LMO7: variants seen among roughly 807,000 people sequenced by gnomAD.
LMO7 encodes LIM domain only protein 7.
Under a neutral mutation model 206.5 loss-of-function variants are expected in LMO7, and 120 were observed. The ratio of observed to expected loss-of-function variants is 0.58; its 90% CI spans 0.50 to 0.68. The LOEUF (loss-of-function observed/expected upper bound fraction) is 0.68, where lower values mean the gene tolerates loss of function less well. Among genes scored for constraint, LMO7 ranks in the 30% least tolerant of loss-of-function variants. LMO7 has a pLI of 0.00. For missense variants in LMO7, 1,959 were observed against 1,957.9 expected (o/e 1.00, Z -0.01); for synonymous variants, 706 against 681.5 (o/e 1.04, Z -0.56).
chr13:75,691,279 A>T (rs1435467421), intron 1 of LMO7, among the ~76,000 whole-genome samples: 1 of 152,248 alleles, frequency 6.6e-6, no homozygotes, highest in Admixed American at 6.5e-5. Flanking sequence ...TTGCAGTATT[A>T]TTCATGCCAT....
intron 11 of LMO7, among the ~76,000 whole-genome samples, chr13:75,812,425 G>T (rs2056503011): frequency 6.6e-6 from 1 of 151,070 alleles, no homozygotes; most frequent in Admixed American, 6.6e-5. Context: ...ATCTCCCTCT[G>T]AAAGTTGGGG....
At chr13:75,687,575 T>C (rs2041119990) in intron 1 of LMO7, among the ~76,000 whole-genome samples, 1 of 152,156 alleles carries the variant, frequency 6.6e-6, no homozygotes, top group South Asian at 2.1e-4. Flanking sequence ...TAGCATTGAA[T>C]GTGTACCTGT....
At chr13:75,700,654 A>T (rs1195299835) in intron 1 of LMO7, among the ~76,000 whole-genome samples, 2 of 152,222 alleles carry the variant, frequency 1.3e-5, no homozygotes, top group Non-Finnish European at 2.9e-5. Flanking sequence ...TAGGTCAACC[A>T]TGGGTGACTT....
Position 75,626,576 on chromosome 13 carries a change from A to ATATTTTT in LMO7, c.225+3257_225+3258insATTTTTT, listed in dbSNP as rs1566249065. Among the ~76,000 whole-genome samples, 13 of 64,416 alleles carry ATATTTTT rather than the reference A, an allele frequency of 2.0e-4. 1 individual carries two copies. Among genetic ancestry groups the ATATTTTT allele is most frequent in the Non-Finnish European group, 3.5e-4 (10 of 28,696 alleles). The allele number at this position is 64,416 out of a possible 152,430, so 42.3% of individuals were successfully genotyped here. Reference sequence around the variant, plus strand: ...TATTGTCTACCCTCTTAACATATATATTATATATATATATATAAATTTTTT... The same window carrying ATATTTTT: ...TATTGTCTACCCTCTTAACATATATATATTTTTTTATATATATATATATAAATTTTTT... On this transcript the variant is annotated intron_variant, in intron 2 of 29. Coordinates refer to the LMO7 transcript ENST00000341547.
intron 3 of LMO7, among the ~76,000 whole-genome samples, chr13:75,733,063 G>A (rs575397819): frequency 5.3e-4 from 81 of 152,282 alleles, no homozygotes; most frequent in African/African-American, 1.7e-3. Flanking sequence ...TAGACTGCTC[G>A]GGGGTCAGGG....
At chr13:75,677,199 T>C (rs764560063) in intron 1 of LMO7, among the ~76,000 whole-genome samples, 1 of 152,206 alleles carries the variant, frequency 6.6e-6, no homozygotes, top group Non-Finnish European at 1.5e-5. Context: ...GAAAGGACCA[T>C]GGACCATCCT....
intron 3 of LMO7, among the ~76,000 whole-genome samples, chr13:75,737,777 T>TAAAAAAAAAAAAAAAAAAA (rs1391839155): frequency 4.4e-5 from 1 of 22,702 alleles, no homozygotes; most frequent in Non-Finnish European, 6.9e-5. Flanking sequence ...TAAAATAAAA[T>TAAAAAAAAAAAAAAAAAAA]AAAATAAAAA....
chr13:75,632,819 TATAAC>T (rs1318083275), upstream of LMO7, among the ~76,000 whole-genome samples: 4 of 151,264 alleles, frequency 2.6e-5, no homozygotes, highest in African/African-American at 9.7e-5. Flanking sequence ...TTGTGTCACT[TATAAC>T]ATCTAGCACA....
At position 75,836,431 on chromosome 13, in the gene LMO7, A is replaced by G; in HGVS notation, c.3368A>G (p.Asp1123Gly). The change falls in exon 19 of 31, where the codon GAT becomes GGT. Residue 1123 changes from aspartate (D) to glycine (G), a missense_variant. Transcript: ENST00000377534. Reference sequence around the variant, plus strand: ...TCCAAAGAAATCAATGGAATTCATGATGAAAGCAATGCTTTTGAATCAAAA... The same window carrying G: ...TCCAAAGAAATCAATGGAATTCATGGTGAAAGCAATGCTTTTGAATCAAAA... ...IESKEINGIH[D>G]ESNAFESKAS... 1 of 1,533,292 alleles carries G rather than the reference A, an allele frequency of 6.5e-7. No homozygotes were observed. Among genetic ancestry groups the G allele is most frequent in the South Asian group, 1.2e-5 (1 of 83,692 alleles). 95.0% of individuals were successfully genotyped at this position (1,533,292 alleles called of 1,614,324 possible). A position where few individuals can be genotyped will look rare whatever the true frequency, so the allele number is the denominator to read the frequency against.
At chr13:75,804,223 G>A (rs547638399) in intron 7 of LMO7, 66 bp from the exon 8 acceptor site, 61 of 1,520,692 alleles carry the variant, frequency 4.0e-5, no homozygotes, top group Admixed American at 9.0e-5. Flanking sequence ...AAGCAGGCGC[G>A]CTGTGTGGGT....
At chr13:75,848,480 A>G (rs1270873988) in intron 26 of LMO7, among the ~76,000 whole-genome samples, 2 of 116,074 alleles carry the variant, frequency 1.7e-5, no homozygotes, top group Non-Finnish European at 3.8e-5. Context: ...ACTATCTCAC[A>G]TTCTCTTTAT....
In LMO7 at chr13:75,770,043, G is replaced by C. The variant is rs1175456221; in HGVS notation, c.317+9005G>C. Reference sequence around the variant, plus strand: ...ATGCTCAATTTTGTGTATAATAGGGGTATATTCACTTATAAAATGCCCAAG... The same window carrying C: ...ATGCTCAATTTTGTGTATAATAGGGCTATATTCACTTATAAAATGCCCAAG... On this transcript the variant is annotated intron_variant, in intron 4 of 30. Coordinates refer to ENST00000377534, the MANE Select transcript of LMO7 (RefSeq NM_001306080.2). Among the ~76,000 whole-genome samples, 5 of 151,894 alleles carry C rather than the reference G, an allele frequency of 3.3e-5. No homozygotes were observed. The South Asian group carries it at 1.0e-3, about 32-fold the overall frequency.
chr13:75,796,059 G>A (rs1036869), intron 5 of LMO7, among the ~76,000 whole-genome samples: 59,668 of 152,080 alleles, frequency 0.39, 12,273 homozygotes, highest in East Asian at 0.59. Context: ...TTAGCAATAC[G>A]CTAAAGGCAA....
At chr13:75,735,401 CA>C (rs1301487195) in intron 3 of LMO7, among the ~76,000 whole-genome samples, 1 of 151,984 alleles carries the variant, frequency 6.6e-6, no homozygotes, top group Non-Finnish European at 1.5e-5. Flanking sequence ...ACTAGTAATA[CA>C]GTGAGTCAGA....
At chr13:75,630,838 T>C (rs537689671) in intron 2 of LMO7, among the ~76,000 whole-genome samples, 1 of 152,308 alleles carries the variant, frequency 6.6e-6, no homozygotes, top group East Asian at 1.9e-4. Flanking sequence ...GTATTTTTAG[T>C]AGAGATGGAG....
In LMO7 at chr13:75,733,277, AC is replaced by A. The variant is rs2045454202; in HGVS notation, c.210+6182del. On this transcript the variant is annotated intron_variant, in intron 3 of 30. Coordinates refer to ENST00000377534, the MANE Select transcript of LMO7 (RefSeq NM_001306080.2). ...GCCTTCTTGAGCTGTGGTGGGCTCC[AC>A]CCAGTTTGAGCTTCCCAACTGCTTT... Among the ~76,000 whole-genome samples the A allele has an allele frequency of 4.6e-5, 7 of 152,346 alleles. No individual in the cohort carries two copies. In the South Asian group the frequency reaches 1.4e-3, roughly 32 times the overall value.
intron 2 of LMO7, among the ~76,000 whole-genome samples, chr13:75,724,625 C>T (rs1053946777): frequency 6.6e-6 from 1 of 152,110 alleles, no homozygotes; most frequent in Non-Finnish European, 1.5e-5. Context: ...TGCCCCTAAT[C>T]CTCTAGGCAG....
At chr13:75,676,737 G>T (rs1056163153) in intron 1 of LMO7, among the ~76,000 whole-genome samples, 2 of 152,190 alleles carry the variant, frequency 1.3e-5, no homozygotes, top group South Asian at 4.1e-4. Flanking sequence ...GCCACTAAGA[G>T]GAGTGCTACG....
At chr13:75,825,121 A>C (rs777459852) in intron 15 of LMO7, among the ~76,000 whole-genome samples, 26 of 152,232 alleles carry the variant, frequency 1.7e-4, no homozygotes, top group Non-Finnish European at 3.2e-4. Flanking sequence ...ATATCTAAAA[A>C]CAGTTTCTTC....
Sources: allele counts gnomAD v4.1 joint callset (sites outside exome capture counted in the v4.1 genomes callset), GRCh38; gene constraint gnomAD v4.1.1; transcripts MANE v1.5; gene names NCBI Gene and HGNC (gene_info 2026-07-23, HGNC 2026-07-21).